The following TENT4B variants were observed in gnomAD, a reference collection of about 807,000 sequenced individuals.
TENT4B encodes the protein terminal nucleotidyltransferase 4B, also known as PAP associated domain containing 5.
A neutral mutation model predicts 75.0 loss-of-function variants in TENT4B; 10 were observed. The observed-to-expected ratio is 0.13, with a 90% CI of 0.08 to 0.23. TENT4B has a LOEUF of 0.23. Among genes scored for constraint, TENT4B ranks in the 10% least tolerant of loss-of-function variants. The probability of loss-of-function intolerance (pLI) is 1.00; values close to 1 mark genes in which losing one functional copy is unlikely to be tolerated. For synonymous variants in TENT4B, 350 were observed against 357.7 expected (o/e 0.98, Z 0.24); for missense variants, 579 against 893.8 (o/e 0.65, Z 4.49).
chr16:50,176,427 AC>A (rs1343056963), intron 1 of TENT4B, among the ~76,000 whole-genome samples: 2 of 149,130 alleles, frequency 1.3e-5, no homozygotes, highest in African/African-American at 4.9e-5. Context: ...AAAAAAATCC[AC>A]ATATAAGTGG....
intron 3 of TENT4B, among the ~76,000 whole-genome samples, chr16:50,215,274 A>G (rs1052734392): frequency 1.3e-5 from 2 of 152,100 alleles, no homozygotes; most frequent in African/African-American, 4.8e-5. Context: ...ATGTTTTTCC[A>G]TTTGAGCTTG....
At chr16:50,203,554 C>G (rs929409814) in intron 1 of TENT4B, among the ~76,000 whole-genome samples, 3 of 152,168 alleles carry the variant, frequency 2.0e-5, no homozygotes, top group African/African-American at 4.8e-5. Context: ...TGTGCACATG[C>G]AGACTTCCTT....
At chr16:50,216,667 G>A (rs912818575) in intron 4 of TENT4B, among the ~76,000 whole-genome samples, 10 of 106,178 alleles carry the variant, frequency 9.4e-5, no homozygotes, top group Non-Finnish European at 2.0e-4. Context: ...AGTACTCACT[G>A]TAGAGATTTT....
chr16:50,198,961 G>A (rs879481165), intron 1 of TENT4B, among the ~76,000 whole-genome samples: 5 of 152,152 alleles, frequency 3.3e-5, no homozygotes, highest in African/African-American at 4.8e-5. Flanking sequence ...AATTGCTTAC[G>A]CAAAGGTGGT....
At chr16:50,212,889 C>T (rs989784126) in intron 2 of TENT4B, among the ~76,000 whole-genome samples, 19 of 152,212 alleles carry the variant, frequency 1.2e-4, no homozygotes, top group Admixed American at 7.8e-4. Flanking sequence ...GTTGAGAAGC[C>T]GTGATCTAAC....
Position 50,207,647 on chromosome 16 carries a change from G to A in TENT4B, c.639-3676G>A, listed in dbSNP as rs557250358. ...TTCATATGAGAAACTGTAACAATGG[G>A]CATGTGTCATCCAGCAATACCTACT... On this transcript the variant is annotated intron_variant, in intron 1 of 11. Transcript: ENST00000561678. Among the ~76,000 whole-genome samples the A allele has an allele frequency of 2.0e-5, 3 of 152,234 alleles. No individual in the cohort carries two copies. In the South Asian group the frequency reaches 6.2e-4, roughly 32 times the overall value.
chr16:50,190,439 G>C (rs1203817479), intron 1 of TENT4B, among the ~76,000 whole-genome samples: 1 of 151,904 alleles, frequency 6.6e-6, no homozygotes, highest in East Asian at 1.9e-4. Context: ...TGCCCCAGAT[G>C]GATACTCTGT....
At chr16:50,154,343 T>C in intron 1 of TENT4B, 84 bp downstream of exon 1, 1 of 1,358,570 alleles carries the variant, frequency 7.4e-7, no homozygotes, top group Non-Finnish European at 9.4e-7. Flanking sequence ...GTTGTGAGGG[T>C]CTAGGAGCGG....
chr16:50,158,623 T>A (rs938656969), intron 1 of TENT4B, among the ~76,000 whole-genome samples: 16 of 152,172 alleles, frequency 1.1e-4, no homozygotes, highest in South Asian at 2.1e-4. Context: ...TCCAGAAACT[T>A]CTTCTGGAAG....
At chr16:50,152,953 A>T (rs1176465487), upstream of TENT4B, 2 of 1,507,370 alleles carry the variant, frequency 1.3e-6, no homozygotes, top group Non-Finnish European at 1.8e-6. Context: ...GGCAACCTCC[A>T]TGCGGCCTCG....
intron 5 of TENT4B, among the ~76,000 whole-genome samples, chr16:50,218,418 C>T (rs973382290): frequency 8.6e-5 from 13 of 151,996 alleles, no homozygotes; most frequent in African/African-American, 3.1e-4. Context: ...TTCACTGCCA[C>T]CTCCGCCTCC....
intron 1 of TENT4B, among the ~76,000 whole-genome samples, chr16:50,209,827 A>C (rs1250688399): frequency 6.6e-6 from 1 of 152,250 alleles, no homozygotes; most frequent in African/African-American, 2.4e-5. Context: ...TGGATTGCTT[A>C]ATCAGTCACA....
rs554552781 is a variant in TENT4B, at chr16:50,181,137, A to G, written c.638+26878A>G. The stretch of plus-strand genomic sequence containing the variant: ...TGTGAAATTATGTGTAAGTTTTAAA[A>G]AATTGGTCTTGTACAAAAGTGTTGG... On this transcript the variant is annotated intron_variant, in intron 1 of 11. Transcript: ENST00000561678. 1.9e-3 allele frequency among the ~76,000 whole-genome samples: 286 copies of G among 152,380 alleles called. 2 individuals are homozygous for G. The highest frequency in any genetic ancestry group is 6.5e-3 in the African/African-American group (272 of 41,594).
At position 50,231,804 on chromosome 16, in the gene TENT4B, T is replaced by C. The variant is rs2032303815; in HGVS notation, c.*2476T>C. On this transcript the variant is annotated 3_prime_UTR_variant, in exon 12 of 12. Coordinates refer to ENST00000561678, the MANE Select transcript of TENT4B (RefSeq NM_001365324.3). ...TGTGGAAGCTGTTCATTTTTCAATC[T>C]GAAGTAAAATACTTTCAAGAACTTT... 1 of 985,478 alleles carries C rather than the reference T, an allele frequency of 1.0e-6. No homozygotes were observed. The highest frequency in any genetic ancestry group is 1.7e-5 in the African/African-American group (1 of 57,244). The allele number at this position is 985,478 out of a possible 1,614,324, so 61.0% of individuals were successfully genotyped here. A position where few individuals can be genotyped will look rare whatever the true frequency, so the allele number is the denominator to read the frequency against.
chr16:50,193,047 T>G (rs1028076306), intron 1 of TENT4B, among the ~76,000 whole-genome samples: 2 of 152,180 alleles, frequency 1.3e-5, no homozygotes, highest in African/African-American at 2.4e-5. Context: ...CTAGCCTAGG[T>G]GACAGAGTGA....
intron 11 of TENT4B, 75 bp from the exon 12 acceptor site, chr16:50,229,077 C>G (rs183068658): frequency 1.3e-6 from 2 of 1,569,050 alleles, no homozygotes. Flanking sequence ...GAAAGCTTCC[C>G]CAAATCCAGG....
rs4001959 is a variant in TENT4B at position 50,204,827 on chromosome 16, A to G, written c.639-6496A>G. ...CAGAAAGGATGGGCCAGACACTAGC[A>G]GAAACTCACCACACACACTGCACTG... On this transcript the variant is annotated intron_variant, in intron 1 of 11. Coordinates refer to ENST00000561678, the MANE Select transcript of TENT4B (RefSeq NM_001365324.3). Among the ~76,000 whole-genome samples the G allele has an allele frequency of 4.7e-3, 709 of 150,594 alleles. 3 individuals are homozygous for G. The highest frequency in any genetic ancestry group is 0.014 in the Middle Eastern group (4 of 294).
chr16:50,216,615 A>G (rs921259622), intron 4 of TENT4B, among the ~76,000 whole-genome samples: 1 of 152,130 alleles, frequency 6.6e-6, no homozygotes, highest in Admixed American at 6.6e-5. Context: ...CCTGGTCTGC[A>G]TTTCTTTTCA....
chr16:50,202,808 A>G (rs539981755), intron 1 of TENT4B, among the ~76,000 whole-genome samples: 1 of 152,306 alleles, frequency 6.6e-6, no homozygotes, highest in African/African-American at 2.4e-5. Flanking sequence ...GGCAAAAGAA[A>G]GAGGCCTGGG....
Sources: gnomAD v4.1 joint callset for allele counts (sites outside exome capture counted in the v4.1 genomes callset) on GRCh38, gnomAD v4.1.1 for gene constraint, MANE v1.5 for transcripts, NCBI Gene and HGNC (gene_info 2026-07-23, HGNC 2026-07-21) for gene names.